STOM: variants seen among roughly 807,000 people sequenced by gnomAD.
STOM encodes erythrocyte band 7 integral membrane protein.
STOM carries 25 observed loss-of-function variants against 30.6 expected under a neutral mutation model. That is an observed-to-expected ratio of 0.82 (90% CI 0.60 to 1.14). STOM has a LOEUF of 1.14. Among genes scored for constraint, STOM ranks in the 50% most tolerant of loss-of-function variants. STOM has a pLI of 0.00. For missense variants in STOM, 292 were observed against 365.2 expected (o/e 0.80, Z 1.63); for synonymous variants, 118 against 130.8 (o/e 0.90, Z 0.67).
rs2064317233 is a variant in STOM at position 121,349,244 on chromosome 9, G to C, written c.401C>G (p.Ala134Gly). ...YRVQNATLAVANITNADSATR... is the reference protein window; with the variant it reads ...YRVQNATLAVGNITNADSATR... ...TGCTGAGTCAGCGTTGGTGATATTT[G>C]CCACAGCCAGGGTTGCATTCTGAAC... Residue 134 changes from alanine (A) to glycine (G), a missense_variant, in exon 5 of 7, where the codon GCA becomes GGA. By Grantham distance (60) the Ala-to-Gly change is moderately conservative. Transcript: ENST00000286713. 6.2e-7 allele frequency: 1 copy of C among 1,614,034 alleles called. No homozygotes were observed. Among genetic ancestry groups the C allele is most frequent in the Admixed American group, 1.7e-5 (1 of 59,998 alleles).
At chr9:121,347,720 A>G (rs2064301589) in intron 6 of STOM, among the ~76,000 whole-genome samples, 1 of 152,238 alleles carries the variant, frequency 6.6e-6, no homozygotes. Flanking sequence ...ATAGATATTA[A>G]TATTAAATGA....
At chr9:121,352,660 T>G (rs1378015090) in intron 4 of STOM, among the ~76,000 whole-genome samples, 1 of 152,226 alleles carries the variant, frequency 6.6e-6, no homozygotes, top group African/African-American at 2.4e-5. Flanking sequence ...CACATATATC[T>G]CACTTCTCAG....
At chr9:121,345,473 T>A (rs1312842678) in intron 6 of STOM, among the ~76,000 whole-genome samples, 1 of 152,176 alleles carries the variant, frequency 6.6e-6, no homozygotes. Context: ...TTCCACTCTA[T>A]CTCACCTTTC....
Position 121,340,857 on chromosome 9 carries a change from G to A in STOM, c.*345C>T, listed in dbSNP as rs1430444661. 2 of 1,124,268 alleles carry A rather than the reference G, an allele frequency of 1.8e-6. No homozygotes were observed. The highest frequency in any genetic ancestry group is 6.0e-5 in the East Asian group (1 of 16,588). The allele number at this position is 1,124,268 out of a possible 1,614,324, so 69.6% of individuals were successfully genotyped here. A position where few individuals can be genotyped will look rare whatever the true frequency, so the allele number is the denominator to read the frequency against. ...CTGCAAAGCATTTAGCCAGTCAGCGGTGTCAGGTGGCAGTTACAGCCCAGG... is the reference window on the plus strand; with the variant it reads ...CTGCAAAGCATTTAGCCAGTCAGCGATGTCAGGTGGCAGTTACAGCCCAGG... On this transcript the variant is annotated 3_prime_UTR_variant, in exon 7 of 7. Coordinates refer to ENST00000286713, the MANE Select transcript of STOM (RefSeq NM_004099.6).
rs2064233459 is a variant in STOM at position 121,340,166 on chromosome 9, C to T, written c.*1036G>A. 5.1e-6 allele frequency: 5 copies of T among 985,266 alleles called. No individual in the cohort carries two copies. In the South Asian group the frequency reaches 2.3e-4, roughly 46 times the overall value. The allele number at this position is 985,266 out of a possible 1,614,324, so 61.0% of individuals were successfully genotyped here. On this transcript the variant is annotated 3_prime_UTR_variant, in exon 7 of 7. Transcript: ENST00000286713. ...CAGTGAGAAAAAAGCACTTTTGTGA[C>T]AAATATTTAGCTGGTTTGAAAGACA...
Position 121,339,508 on chromosome 9 carries a change from T to C in STOM, c.*1694A>G. 3 of 1,224,500 alleles carry C rather than the reference T, an allele frequency of 2.4e-6. No individual in the cohort carries two copies. The highest frequency in any genetic ancestry group is 3.2e-5 in the East Asian group (1 of 31,436). 75.9% of individuals were successfully genotyped at this position (1,224,500 alleles called of 1,614,324 possible). On this transcript the variant is annotated 3_prime_UTR_variant, in exon 7 of 7. Coordinates refer to ENST00000286713, the MANE Select transcript of STOM (RefSeq NM_004099.6). ...TCCTAAAATAAGCTTGAAATTGGGG[T>C]ACAGGGGAAGGGACATCCATTGGCT...
Position 121,340,574 on chromosome 9 carries a change from T to TA in STOM, c.*627dup, listed in dbSNP as rs1315856547. Reference sequence around the variant, plus strand: ...CAACATGGTGAAACCCCGTCTCTACTAAAAAACAATAATAATAATACAAAA... The same window carrying TA: ...CAACATGGTGAAACCCCGTCTCTACTAAAAAAACAATAATAATAATACAAAA... On this transcript the variant is annotated 3_prime_UTR_variant, in exon 7 of 7. Transcript: ENST00000286713. The TA allele has an allele frequency of 3.4e-6, 2 of 588,540 alleles. No individual in the cohort carries two copies. The highest frequency in any genetic ancestry group is 1.3e-4 in the Admixed American group (2 of 15,810). The allele number at this position is 588,540 out of a possible 1,614,324, so 36.5% of individuals were successfully genotyped here. A position where few individuals can be genotyped will look rare whatever the true frequency, so the allele number is the denominator to read the frequency against.
At chr9:121,345,660 ACTAACC>A (rs1222287978) in intron 6 of STOM, among the ~76,000 whole-genome samples, 8 of 152,182 alleles carry the variant, frequency 5.3e-5, no homozygotes, top group Non-Finnish European at 4.4e-5. Context: ...CTGCTTCTAG[ACTAACC>A]CTACAGCCCC....
chr9:121,356,657 T>TGAAG (rs2064393529), intron 1 of STOM, among the ~76,000 whole-genome samples: 2 of 152,224 alleles, frequency 1.3e-5, no homozygotes, highest in South Asian at 4.2e-4. Context: ...GAGGGTTTCC[T>TGAAG]GAAGGATGTA....
At position 121,357,441 on chromosome 9, in the gene STOM, T is replaced by TATATATATATATATATA. The variant is rs1564631312; in HGVS notation, c.62-1286_62-1285insTATATATATATATATAT. Among the ~76,000 whole-genome samples, 267 of 73,982 alleles carry TATATATATATATATATA rather than the reference T, an allele frequency of 3.6e-3. 5 individuals are homozygous for TATATATATATATATATA. In the East Asian group the frequency reaches 0.043, roughly 12 times the overall value. The allele number at this position is 73,982 out of a possible 152,430, so 48.5% of individuals were successfully genotyped here. Reference sequence around the variant, plus strand: ...TTTTAAATGATATATATATATATATTTATTTATTTATTTTTTGAGACAGAG... The same window carrying TATATATATATATATATA: ...TTTTAAATGATATATATATATATATTATATATATATATATATATATTTATTTATTTTTTGAGACAGAG... On this transcript the variant is annotated intron_variant, in intron 1 of 6. Transcript: ENST00000286713.
rs533342344 is a variant in STOM, at chr9:121,365,264, T to A, written c.61+4863A>T. ...CTGCTTTCCTCAAGTATTTTCTTTT[T>A]AAAAAAAAAATCAGACCTTTTCCAA... On this transcript the variant is annotated intron_variant, in intron 1 of 6. Transcript: ENST00000286713. Among the ~76,000 whole-genome samples the A allele has an allele frequency of 3.8e-3, 575 of 150,544 alleles. 2 individuals are homozygous for A. The highest frequency in any genetic ancestry group is 0.013 in the African/African-American group (516 of 41,108).
chr9:121,370,064 C>A, intron 1 of STOM, 63 bp downstream of exon 1: 2 of 1,459,720 alleles, frequency 1.4e-6, no homozygotes, highest in South Asian at 1.2e-5. Flanking sequence ...TGTCAGACCT[C>A]GGAGCGCACG....
chr9:121,344,437 C>G (rs889087202), intron 6 of STOM, among the ~76,000 whole-genome samples: 2 of 152,140 alleles, frequency 1.3e-5, no homozygotes, highest in African/African-American at 4.8e-5. Flanking sequence ...GAAGCCAGAC[C>G]CACCGGGCTG....
chr9:121,366,895 C>T (rs1408992315), intron 1 of STOM, among the ~76,000 whole-genome samples: 1 of 151,474 alleles, frequency 6.6e-6, no homozygotes, highest in Admixed American at 6.6e-5. Flanking sequence ...CGAGACCAGC[C>T]TGGGCAACAT....
intron 6 of STOM, among the ~76,000 whole-genome samples, chr9:121,345,983 A>AG (rs1564627556): frequency 6.6e-6 from 1 of 151,658 alleles, no homozygotes; most frequent in African/African-American, 2.4e-5. Flanking sequence ...TATTATTATT[A>AG]ATTTTTTATT....
intron 1 of STOM, among the ~76,000 whole-genome samples, chr9:121,368,562 C>T (rs930980604): frequency 1.9e-4 from 29 of 152,262 alleles, no homozygotes; most frequent in African/African-American, 7.0e-4. Flanking sequence ...CTTTGACTAT[C>T]AGTTTCATCA....
chr9:121,364,857 T>C (rs2134046055), intron 1 of STOM, among the ~76,000 whole-genome samples: 1 of 152,320 alleles, frequency 6.6e-6, no homozygotes, highest in Non-Finnish European at 1.5e-5. Context: ...TCTATTCAGT[T>C]GTGTGTCTTC....
intron 6 of STOM, among the ~76,000 whole-genome samples, chr9:121,343,711 G>C (rs1056769368): frequency 6.6e-6 from 1 of 152,212 alleles, no homozygotes; most frequent in Admixed American, 6.5e-5. Context: ...ATGGCAGGAA[G>C]AGGGGAAAGG....
At chr9:121,354,512 C>T in intron 3 of STOM, 89 bp downstream of exon 3, 1 of 1,067,040 alleles carries the variant, frequency 9.4e-7, no homozygotes, top group Non-Finnish European at 1.4e-6. Flanking sequence ...GGAATGAAAC[C>T]CTGTCTTTAA....
Sources: allele counts gnomAD v4.1 joint callset (sites outside exome capture counted in the v4.1 genomes callset), GRCh38; gene constraint gnomAD v4.1.1; transcripts MANE v1.5; gene names NCBI Gene and HGNC (gene_info 2026-07-23, HGNC 2026-07-21).